REDIC1: variants seen among roughly 807,000 people sequenced by gnomAD.
The protein encoded by REDIC1 is HEI10 Interacting Protein 1.
the REDIC1 span, among the ~76,000 whole-genome samples, chr12:39,693,295 A>G: frequency 6.6e-6 from 1 of 151,938 alleles, no homozygotes. Context: ...ATAGTCCTTC[A>G]TGTTATCTAG....
the REDIC1 span, among the ~76,000 whole-genome samples, chr12:39,702,702 C>A: frequency 1.3e-5 from 2 of 152,082 alleles, no homozygotes; most frequent in African/African-American, 4.8e-5. Context: ...ACTGGCAAAC[C>A]AAATCCAGCA....
At chr12:39,722,322 T>A in the REDIC1 span, among the ~76,000 whole-genome samples, 1 of 152,076 alleles carries the variant, frequency 6.6e-6, no homozygotes, top group Non-Finnish European at 1.5e-5. Flanking sequence ...CACAATAAGC[T>A]CCTAAGTATT....
chr12:39,762,300 G>T, the REDIC1 span, among the ~76,000 whole-genome samples: 1 of 150,244 alleles, frequency 6.7e-6, no homozygotes. Flanking sequence ...AGTCCATCAG[G>T]ACTATTGAAC....
the REDIC1 span, among the ~76,000 whole-genome samples, chr12:39,844,719 G>A: frequency 3.9e-5 from 6 of 151,984 alleles, no homozygotes; most frequent in African/African-American, 1.4e-4. Flanking sequence ...AGCAAGTGGG[G>A]TCTCTACTCA....
the REDIC1 span, among the ~76,000 whole-genome samples, chr12:39,839,955 C>G: frequency 1.3e-5 from 2 of 152,080 alleles, no homozygotes; most frequent in African/African-American, 4.8e-5. Flanking sequence ...GCAGAACATT[C>G]ATATTTAAAT....
At chr12:39,723,994 C>T in the REDIC1 span, among the ~76,000 whole-genome samples, 1 of 152,050 alleles carries the variant, frequency 6.6e-6, no homozygotes, top group Non-Finnish European at 1.5e-5. Flanking sequence ...CTTGGGCATC[C>T]CTCATTTTCA....
At chr12:39,734,180 C>T in the REDIC1 span, among the ~76,000 whole-genome samples, 6 of 152,130 alleles carry the variant, frequency 3.9e-5, no homozygotes, top group South Asian at 2.1e-4. Context: ...AGACCCTTTG[C>T]GCTTCCTGGG....
the REDIC1 span, among the ~76,000 whole-genome samples, chr12:39,763,562 A>G: frequency 0.98 from 148,447 of 152,118 alleles, 72,436 homozygotes; most frequent in East Asian, 1. Flanking sequence ...GAGAGAGCTA[A>G]GGGCAGACAA....
the REDIC1 span, among the ~76,000 whole-genome samples, chr12:39,832,611 C>A: frequency 6.6e-6 from 1 of 152,076 alleles, no homozygotes; most frequent in African/African-American, 2.4e-5. Flanking sequence ...ACACACTATG[C>A]TAGGTGCTGG....
the REDIC1 span, among the ~76,000 whole-genome samples, chr12:39,859,689 A>T: frequency 3.3e-5 from 5 of 150,928 alleles, no homozygotes; most frequent in African/African-American, 1.2e-4. Context: ...CACCTGGCTA[A>T]TTTTTTTTTG....
At chr12:39,687,019 T>C in the REDIC1 span, among the ~76,000 whole-genome samples, 4 of 152,168 alleles carry the variant, frequency 2.6e-5, no homozygotes, top group African/African-American at 9.7e-5. Context: ...TCCCAATAAG[T>C]TCCTCATTTG....
At chr12:39,715,578 C>T in the REDIC1 span, among the ~76,000 whole-genome samples, 8 of 151,836 alleles carry the variant, frequency 5.3e-5, no homozygotes, top group Non-Finnish European at 1.2e-4. Flanking sequence ...AAAAACAATT[C>T]TAAAATCTGT....
At chr12:39,805,363 A>G in the REDIC1 span, among the ~76,000 whole-genome samples, 902 of 152,216 alleles carry the variant, frequency 5.9e-3, 8 homozygotes, top group African/African-American at 0.021. Flanking sequence ...GGCATCTGTA[A>G]TAATCCTGGG....
chr12:39,692,178 T>A, the REDIC1 span: 1 of 1,331,740 alleles, frequency 7.5e-7, no homozygotes, highest in Non-Finnish European at 1.0e-6. Context: ...AGAAATCAGT[T>A]AAATTTGAAG....
the REDIC1 span, among the ~76,000 whole-genome samples, chr12:39,739,302 GT>G: frequency 7.9e-5 from 12 of 152,178 alleles, no homozygotes; most frequent in African/African-American, 2.7e-4. Flanking sequence ...ATACAAATTA[GT>G]TGAGACAGCC....
the REDIC1 span, chr12:39,864,875 G>A: frequency 5.5e-5 from 89 of 1,607,428 alleles, no homozygotes; most frequent in African/African-American, 8.3e-4. Context: ...TGAGTGCTAC[G>A]GTGGTACCTT....
At chr12:39,701,793 A>T in the REDIC1 span, among the ~76,000 whole-genome samples, 1 of 152,070 alleles carries the variant, frequency 6.6e-6, no homozygotes. Flanking sequence ...TCTCACTCAA[A>T]ACCGCTCAAC....
At chr12:39,650,244 T>C in the REDIC1 span, 1 of 1,604,296 alleles carries the variant, frequency 6.2e-7, no homozygotes, top group Non-Finnish European at 8.5e-7. The surrounding 1 kb of genome is among the most constrained non-coding windows in gnomAD (Gnocchi z 4.3). Flanking sequence ...TTCAGCGCAG[T>C]ACTGTTAACT....
At chr12:39,864,751 T>G in the REDIC1 span, 5 of 1,612,160 alleles carry the variant, frequency 3.1e-6, no homozygotes, top group East Asian at 8.9e-5. Context: ...AAGAACATAA[T>G]GGAATCTCAC....
Sources: gnomAD v4.1 joint callset for allele counts (sites outside exome capture counted in the v4.1 genomes callset) on GRCh38, gnomAD v4.1.1 for gene constraint, Gnocchi (gnomAD v3.1) non-coding constraint, MANE v1.5 for transcripts, NCBI Gene and HGNC (gene_info 2026-07-23, HGNC 2026-07-21) for gene names.